SDK2: variants seen among roughly 807,000 people sequenced by gnomAD.
SDK2 encodes protein sidekick-2.
In SDK2, 105 loss-of-function variants were observed where a neutral mutation model predicts 253.9. The observed-to-expected ratio is 0.41, with a 90% confidence interval of 0.35 to 0.49. SDK2 has a LOEUF of 0.49. Ranked by LOEUF, SDK2 falls within the 20% of genes least tolerant of loss-of-function variation. The pLI, the probability that SDK2 is intolerant of heterozygous loss-of-function variation, is 0.06. For missense variants in SDK2, 2,608 were observed against 3,003.0 expected (o/e 0.87, Z 3.07); for synonymous variants, 1,249 against 1,234.9 (o/e 1.01, Z -0.24).
chr17:73,483,705 ATATT>A (rs1567799578), intron 2 of SDK2, among the ~76,000 whole-genome samples: 143 of 56,628 alleles, frequency 2.5e-3, no homozygotes, highest in Middle Eastern at 9.6e-3. Flanking sequence ...ATATATATAT[ATATT>A]TTTTTTTTTT....
intron 14 of SDK2, among the ~76,000 whole-genome samples, chr17:73,423,184 C>A (rs2345421): frequency 0.75 from 114,040 of 152,136 alleles, 43,607 homozygotes; most frequent in Admixed American, 0.82. Context: ...ACCTTTTGTG[C>A]GTCATCTCTT....
chr17:73,382,016 A>G (rs958324890), intron 33 of SDK2, among the ~76,000 whole-genome samples: 3 of 152,166 alleles, frequency 2.0e-5, no homozygotes, highest in African/African-American at 7.2e-5. Flanking sequence ...GGAGTTCGAG[A>G]CCAGCCTGGC....
chr17:73,590,980 C>A (rs1460479466), intron 1 of SDK2, among the ~76,000 whole-genome samples: 1 of 152,190 alleles, frequency 6.6e-6, no homozygotes, highest in African/African-American at 2.4e-5. Flanking sequence ...GGTGCAGTTG[C>A]ATGATCTCGG....
chr17:73,623,348 C>T (rs1464111275), intron 1 of SDK2, among the ~76,000 whole-genome samples: 1 of 152,156 alleles, frequency 6.6e-6, no homozygotes, highest in Non-Finnish European at 1.5e-5. Flanking sequence ...TAGAGGCAGT[C>T]TGGCTCTGGG....
chr17:73,383,930 C>T lies in SDK2; in HGVS notation c.4651G>A (p.Gly1551Ser), dbSNP rs757131822. ...YRELLYEGLRGFTLRGINNPG... is the reference protein window; with the variant it reads ...YRELLYEGLRSFTLRGINNPG... Reference sequence around the variant, plus strand: ...TTGTTGATGCCTCGAAGCGTGAAGCCCCTCAGTCCTTCATAGAGCAGCTCC... The same window carrying T: ...TTGTTGATGCCTCGAAGCGTGAAGCTCCTCAGTCCTTCATAGAGCAGCTCC... The change falls in exon 33 of 45, where the codon GGC becomes AGC. Residue 1551 changes from glycine to serine, a missense_variant. Physicochemically the swap from Gly to Ser is moderately conservative, Grantham distance 56. Coordinates refer to ENST00000392650, the MANE Select transcript of SDK2 (RefSeq NM_001144952.2). The surrounding 1 kb of genome is among the most constrained non-coding windows in gnomAD (Gnocchi z 4.3). 15 of 1,613,780 alleles carry T rather than the reference C, an allele frequency of 9.3e-6. No individual in the cohort carries two copies. The highest frequency in any genetic ancestry group is 1.1e-5 in the Non-Finnish European group (13 of 1,179,882).
chr17:73,524,192 T>TG (rs2064106815), intron 1 of SDK2, among the ~76,000 whole-genome samples: 1 of 152,102 alleles, frequency 6.6e-6, no homozygotes, highest in South Asian at 2.1e-4. Flanking sequence ...CAGCTAATGG[T>TG]GACTGACGAC....
chr17:73,508,166 C>A (rs1025767151), intron 1 of SDK2, among the ~76,000 whole-genome samples: 2 of 152,260 alleles, frequency 1.3e-5, no homozygotes, highest in African/African-American at 4.8e-5. Context: ...GCCAGCCTGC[C>A]TCTACCTCCC....
intron 18 of SDK2, among the ~76,000 whole-genome samples, chr17:73,405,397 G>A (rs1157534750): frequency 6.6e-4 from 74 of 112,280 alleles, no homozygotes; most frequent in Non-Finnish European, 1.4e-4. Context: ...CCAAGATTGC[G>A]ACACTGCACT....
At chr17:73,473,740 T>C (rs761868381) in intron 2 of SDK2, among the ~76,000 whole-genome samples, 1 of 152,170 alleles carries the variant, frequency 6.6e-6, no homozygotes, top group Non-Finnish European at 1.5e-5. Context: ...TCCCAGCCTA[T>C]TGAATATCAT....
chr17:73,446,462 G>A (rs2063453802), intron 5 of SDK2, among the ~76,000 whole-genome samples: 1 of 152,206 alleles, frequency 6.6e-6, no homozygotes, highest in African/African-American at 2.4e-5. Flanking sequence ...CAGACTGGAT[G>A]CTGAGTAGGG....
At chr17:73,339,511 T>C (rs1056351261) in intron 44 of SDK2, among the ~76,000 whole-genome samples, 2 of 139,922 alleles carry the variant, frequency 1.4e-5, no homozygotes, top group Admixed American at 7.9e-5. Context: ...TGTCAGCCAC[T>C]ATCCCTGGCA....
In SDK2 at chr17:73,337,923, A is replaced by AGTTTTTT. The variant is rs370489424; in HGVS notation, c.*657_*663dup. The AGTTTTTT allele has an allele frequency of 6.6e-6, 1 of 152,494 alleles. No individual in the cohort carries two copies. The highest frequency in any genetic ancestry group is 1.5e-5 in the Non-Finnish European group (1 of 68,306). 9.4% of individuals were successfully genotyped at this position (152,494 alleles called of 1,614,324 possible). ...GGCGCTAAGCAAATTCTCACCCTTTAGTTTTTTGTTTTTTGTTTTTCTTCC... is the reference window on the plus strand; with the variant it reads ...GGCGCTAAGCAAATTCTCACCCTTTAGTTTTTTGTTTTTTGTTTTTTGTTTTTCTTCC... On this transcript the variant is annotated 3_prime_UTR_variant, in exon 45 of 45. Transcript: ENST00000392650.
At chr17:73,373,883 T>A (rs59262719) in intron 36 of SDK2, among the ~76,000 whole-genome samples, 1 of 146,574 alleles carries the variant, frequency 6.8e-6, no homozygotes, top group Non-Finnish European at 1.5e-5. Context: ...GTGATCTGCC[T>A]ACCTTGGCTT....
At position 73,383,416 on chromosome 17, in the gene SDK2, G is replaced by T. The variant is rs1472762163; in HGVS notation, c.4705+460C>A. On this transcript the variant is annotated intron_variant, in intron 33 of 44. Coordinates refer to ENST00000392650, the MANE Select transcript of SDK2 (RefSeq NM_001144952.2). This position sits in a 1 kb window ranked among gnomAD's most constrained non-coding sequence, Gnocchi z 4.3. ...GGGGGCCAGGACTACTGCTCTAGGG[G>T]TGTGACCAGGTGAGGCTTCTGGTCC... 6.6e-6 allele frequency among the ~76,000 whole-genome samples: 1 copy of T among 152,208 alleles called. No individual in the cohort carries two copies. The highest frequency in any genetic ancestry group is 1.5e-5 in the Non-Finnish European group (1 of 68,038).
rs556702070 is a variant in SDK2, at chr17:73,567,033, C to A, written c.65-59436G>T. On this transcript the variant is annotated intron_variant, in intron 1 of 44. Transcript: ENST00000392650. Reference sequence around the variant, plus strand: ...CTAAACGGGAGTCAAGCACGAATAACAAAGACACTGGAAAAAAAAAGACCT... The same window carrying A: ...CTAAACGGGAGTCAAGCACGAATAAAAAAGACACTGGAAAAAAAAAGACCT... Among the ~76,000 whole-genome samples, 8 of 152,118 alleles carry A rather than the reference C, an allele frequency of 5.3e-5. No individual in the cohort carries two copies. The South Asian group carries it at 1.7e-3, about 32-fold the overall frequency.
At chr17:73,535,106 A>G (rs2044751715) in intron 1 of SDK2, among the ~76,000 whole-genome samples, 1 of 152,194 alleles carries the variant, frequency 6.6e-6, no homozygotes, top group Admixed American at 6.5e-5. Context: ...AATCCCCTAT[A>G]GCCCTGACCA....
rs538816142 is a variant in SDK2, at chr17:73,504,723, A to G, written c.224+2715T>C. On this transcript the variant is annotated intron_variant, in intron 2 of 44. Transcript: ENST00000392650. ...ATTTGAGCTGGGCCCTGCAGGAGAA[A>G]AAAAAGTTTTCAAAAGGGGAAATAT... Among the ~76,000 whole-genome samples, 75 of 25,160 alleles carry G rather than the reference A, an allele frequency of 3.0e-3. No individual in the cohort carries two copies. The Middle Eastern group carries it at 0.06, about 20-fold the overall frequency. 16.5% of individuals were successfully genotyped at this position (25,160 alleles called of 152,430 possible).
intron 5 of SDK2, among the ~76,000 whole-genome samples, chr17:73,441,193 C>G (rs374647318): frequency 8.2e-4 from 124 of 150,588 alleles, no homozygotes; most frequent in Middle Eastern, 3.4e-3. Flanking sequence ...AGCAGCCACA[C>G]CCCCCTCTCC....
chr17:73,491,382 T>C (rs1023038075), intron 2 of SDK2, among the ~76,000 whole-genome samples: 3 of 150,624 alleles, frequency 2.0e-5, no homozygotes, highest in African/African-American at 7.3e-5. Context: ...GGCTTTTTTT[T>C]TTTTTTTTGA....
Sources: allele counts gnomAD v4.1 joint callset (sites outside exome capture counted in the v4.1 genomes callset), GRCh38; gene constraint gnomAD v4.1.1; non-coding constraint Gnocchi (gnomAD v3.1); transcripts MANE v1.5; gene names NCBI Gene and HGNC (gene_info 2026-07-23, HGNC 2026-07-21).